Variants in NCLN observed in about 807,000 individuals in gnomAD.
NCLN encodes BOS complex subunit NCLN.
NCLN carries 34 observed loss-of-function variants against 69.5 expected under a neutral mutation model. The ratio of observed to expected loss-of-function variants is 0.49; its 90% confidence interval spans 0.37 to 0.65. NCLN has a LOEUF of 0.65. NCLN is among the 30% of genes least tolerant of loss of function. NCLN has a pLI of 0.00. For missense variants in NCLN, 710 were observed against 804.8 expected, an observed-to-expected ratio of 0.88 and a Z score of 1.42; for synonymous variants, 393 against 358.3, an observed-to-expected ratio of 1.10 and a Z score of -1.09.
chr19:3,194,550 T>C lies in NCLN; in HGVS notation c.520+1122T>C, dbSNP rs1915908853. Reference sequence around the variant, plus strand: ...TGGCTTTCCCAGCAGCAGAACTGAATTGCCGTGGCTGCGGCAGAGACCATC... The same window carrying C: ...TGGCTTTCCCAGCAGCAGAACTGAACTGCCGTGGCTGCGGCAGAGACCATC... On this transcript the variant is annotated intron_variant, in intron 3 of 14. Transcript: ENST00000246117. Among the ~76,000 whole-genome samples, 3 of 152,352 alleles carry C rather than the reference T, an allele frequency of 2.0e-5. 1 individual carries two copies. In the South Asian group the frequency reaches 6.2e-4, roughly 32 times the overall value.
intron 12 of NCLN, 94 bp from the exon 13 acceptor site, chr19:3,207,104 G>A (rs2144921273): frequency 7.2e-7 from 1 of 1,396,604 alleles, no homozygotes; most frequent in South Asian, 1.2e-5. Context: ...GATTGCAGGT[G>A]TGAGCCATCG....
rs768742712 is a variant in NCLN at position 3,206,409 on chromosome 19, G to A, written c.1483G>A (p.Val495Ile). The A allele has an allele frequency of 1.2e-5, 18 of 1,547,466 alleles. No homozygotes were observed. In the South Asian group the frequency reaches 1.3e-4, roughly 11 times the overall value. ...CCTGAAGGACGTGAAGCAGCACCAC[G>A]TCAAGGCTGACAAGCGGTGAGGCTG... is the stretch of plus-strand genomic sequence containing the variant. ...RYLKDVKQHH[V>I]KADKRDPEFV... Residue 495 changes from valine (V) to isoleucine (I), a missense_variant, in exon 12 of 15, where the codon GTC becomes ATC. Transcript: ENST00000246117.
intron 14 of NCLN, 29 bp from the exon 15 acceptor site, chr19:3,207,600 A>C (rs1916305922): frequency 6.2e-7 from 1 of 1,611,814 alleles, no homozygotes; most frequent in Admixed American, 1.7e-5. Flanking sequence ...CCCCGCCCAC[A>C]TCCTCACTCC....
Position 3,193,360 on chromosome 19 carries a change from C to T in NCLN, c.452C>T (p.Ala151Val). The T allele has an allele frequency of 6.2e-7, 1 of 1,612,584 alleles. No homozygotes were observed. Among genetic ancestry groups the T allele is most frequent in the Non-Finnish European group, 8.5e-7 (1 of 1,179,966 alleles). ...VPVYFAVEDEALLSIYKQTQA... is the reference protein window; with the variant it reads ...VPVYFAVEDEVLLSIYKQTQA... ...GTGTACTTTGCCGTGGAGGACGAGG[C>T]CCTGCTGTCTATCTACAAGCAGACC... The change falls in exon 3 of 15, where the codon GCC becomes GTC. Residue 151 changes from alanine (A) to valine (V), a missense_variant. Transcript: ENST00000246117.
chr19:3,199,606 A>G (rs923947853), intron 5 of NCLN, among the ~76,000 whole-genome samples: 5 of 150,184 alleles, frequency 3.3e-5, no homozygotes, highest in African/African-American at 1.2e-4. Flanking sequence ...CTGCGGCACA[A>G]GCTTGGTTCT....
At chr19:3,198,550 T>C (rs1395976639) in intron 4 of NCLN, among the ~76,000 whole-genome samples, 1 of 150,154 alleles carries the variant, frequency 6.7e-6, no homozygotes. Flanking sequence ...AAACTTATTC[T>C]CCTGCTCTCC....
At chr19:3,197,591 G>A (rs1291306444) in intron 4 of NCLN, among the ~76,000 whole-genome samples, 2 of 150,318 alleles carry the variant, frequency 1.3e-5, no homozygotes, top group African/African-American at 2.5e-5. Context: ...ACTGTCATGT[G>A]CCACCACGCC....
intron 5 of NCLN, 39 bp downstream of exon 5, chr19:3,198,936 C>T (rs1287626980): frequency 1.5e-6 from 2 of 1,369,984 alleles, no homozygotes; most frequent in Non-Finnish European, 1.9e-6. Flanking sequence ...CCCCACAGGG[C>T]TTGGATTCTG....
intron 1 of NCLN, among the ~76,000 whole-genome samples, 166 bp from the exon 2 acceptor site, chr19:3,192,304 C>T (rs1363167392): frequency 6.6e-6 from 1 of 151,138 alleles, no homozygotes; most frequent in Non-Finnish European, 1.5e-5. Context: ...CCCGTTATGT[C>T]GGGGGCAGGC....
intron 1 of NCLN, among the ~76,000 whole-genome samples, chr19:3,187,211 C>T (rs1915693004): frequency 6.6e-6 from 1 of 152,224 alleles, no homozygotes; most frequent in African/African-American, 2.4e-5. Flanking sequence ...GCCTCGCCCC[C>T]TCCCGTCGTG....
chr19:3,191,464 C>T (rs1282456833), intron 1 of NCLN, among the ~76,000 whole-genome samples: 1 of 152,192 alleles, frequency 6.6e-6, no homozygotes, highest in African/African-American at 2.4e-5. Context: ...TTCTGCCACC[C>T]CAGCCCCTGG....
At chr19:3,190,000 C>T (rs1022171022) in intron 1 of NCLN, among the ~76,000 whole-genome samples, 7 of 152,230 alleles carry the variant, frequency 4.6e-5, no homozygotes, top group African/African-American at 9.6e-5. Flanking sequence ...TCTCCCTCCT[C>T]GCTCACTCCC....
Position 3,207,829 on chromosome 19 carries a change from T to A in NCLN, c.*141T>A, listed in dbSNP as rs541746229. ...CCCCGGCGGTGGTTGGAACACTGAA[T>A]TACAGAGCTTTTTTCTGTTGCTCTC... On this transcript the variant is annotated 3_prime_UTR_variant, in exon 15 of 15. Transcript: ENST00000246117. 1.5e-6 allele frequency: 1 copy of A among 659,662 alleles called. No homozygotes were observed. The highest frequency in any genetic ancestry group is 2.7e-5 in the East Asian group (1 of 36,996). 40.9% of individuals were successfully genotyped at this position (659,662 alleles called of 1,614,324 possible).
At chr19:3,199,121 C>T (rs760158194) in intron 5 of NCLN, among the ~76,000 whole-genome samples, 41 of 152,186 alleles carry the variant, frequency 2.7e-4, no homozygotes, top group Non-Finnish European at 3.1e-4. Context: ...CAGGGCACGG[C>T]GGTGTCTGTG....
Position 3,192,645 on chromosome 19 carries a change from C to T in NCLN, c.360C>T (p.Pro120=), listed in dbSNP as rs368227878. 1.1e-4 allele frequency: 166 copies of T among 1,563,238 alleles called. No homozygotes were observed. The highest frequency in any genetic ancestry group is 1.3e-4 in the Non-Finnish European group (154 of 1,153,510). The change falls in exon 2 of 15, where the codon CCC becomes CCT. Residue 120 remains proline, a synonymous_variant. Transcript: ENST00000246117. Reference sequence around the variant, plus strand: ...TGCCCAGGGCCATGGCCGCCGTGCCCCAGGACGTCGTCCGGGTGAGCGTCT... The same window carrying T: ...TGCCCAGGGCCATGGCCGCCGTGCCTCAGGACGTCGTCCGGGTGAGCGTCT... ...IILPRAMAAV[P]QDVVRQFMEI... is the part of the protein sequence containing the mutation.
At chr19:3,203,384 C>T (rs1223891638) in intron 6 of NCLN, among the ~76,000 whole-genome samples, 1 of 152,172 alleles carries the variant, frequency 6.6e-6, no homozygotes, top group Admixed American at 6.5e-5. Context: ...TGTCTGTTGC[C>T]TGGTCGGTCA....
In NCLN at chr19:3,205,208, A is replaced by G. The variant is rs1916233473; in HGVS notation, c.1208+457A>G. Among the ~76,000 whole-genome samples the G allele has an allele frequency of 6.6e-6, 1 of 152,134 alleles. No individual in the cohort carries two copies. Among genetic ancestry groups the G allele is most frequent in the South Asian group, 2.1e-4 (1 of 4,824 alleles). On this transcript the variant is annotated intron_variant, in intron 9 of 14. Coordinates refer to ENST00000246117, the MANE Select transcript of NCLN (RefSeq NM_020170.4). This position sits in a 1 kb window ranked among gnomAD's most constrained non-coding sequence, Gnocchi z 4.6. ...CCTGTGTCCTGCCCGTCTCTCTGCCATCATGTGAGCCCCTGGGCAGGCTTT... is the reference window on the plus strand; with the variant it reads ...CCTGTGTCCTGCCCGTCTCTCTGCCGTCATGTGAGCCCCTGGGCAGGCTTT...
Position 3,193,571 on chromosome 19 carries a change from G to A in NCLN, c.520+143G>A, listed in dbSNP as rs1437188760. 1.5e-5 allele frequency: 15 copies of A among 1,029,282 alleles called. No individual in the cohort carries two copies. In the East Asian group the frequency reaches 3.3e-4, roughly 23 times the overall value. 63.8% of individuals were successfully genotyped at this position (1,029,282 alleles called of 1,614,324 possible). On this transcript the variant is annotated intron_variant, in intron 3 of 14. Coordinates refer to ENST00000246117, the MANE Select transcript of NCLN (RefSeq NM_020170.4). ...CGGGGTTAACAGTGGGGGTTCCTGG[G>A]CCCCGTGTGGACCTGCTACATCACC...
Position 3,204,263 on chromosome 19 carries a change from A to G in NCLN, c.1029+119A>G, listed in dbSNP as rs1916202323. 5.6e-6 allele frequency: 7 copies of G among 1,248,412 alleles called. No homozygotes were observed. In the Admixed American group the frequency reaches 9.6e-5, roughly 17 times the overall value. 77.3% of individuals were successfully genotyped at this position (1,248,412 alleles called of 1,614,324 possible). On this transcript the variant is annotated intron_variant, in intron 8 of 14. Transcript: ENST00000246117. The stretch of plus-strand genomic sequence containing the variant: ...CCGCCCCTCAGGCTCTGAGGGCCAC[A>G]CTGTGTCGGGGTCGGGCTGGGGTGT...
Sources: gnomAD v4.1 joint callset for allele counts (sites outside exome capture counted in the v4.1 genomes callset) on GRCh38, gnomAD v4.1.1 for gene constraint, Gnocchi (gnomAD v3.1) non-coding constraint, MANE v1.5 for transcripts, NCBI Gene and HGNC (gene_info 2026-07-23, HGNC 2026-07-21) for gene names.